Variants in FHIT observed in about 807,000 individuals in gnomAD.
FHIT encodes the protein bis(5'-adenosyl)-triphosphatase.
In FHIT, 19 loss-of-function variants were observed where a neutral mutation model predicts 17.9. The ratio of observed to expected loss-of-function variants is 1.06; its 90% CI spans 0.74 to 1.56. FHIT has a LOEUF of 1.56. Among genes scored for constraint, FHIT ranks in the 40% most tolerant of loss-of-function variants. The pLI is 0.00. For missense variants in FHIT, 248 were observed against 189.2 expected (o/e 1.31, Z -1.82); for synonymous variants, 81 against 69.7 (o/e 1.16, Z -0.81).
intron 3 of FHIT, among the ~76,000 whole-genome samples, chr3:60,970,756 G>A (rs1335868543): frequency 2.0e-5 from 3 of 151,994 alleles, no homozygotes; most frequent in African/African-American, 7.2e-5. Flanking sequence ...ACCTGTTATT[G>A]TTTGTTGCCT....
intron 4 of FHIT, among the ~76,000 whole-genome samples, chr3:60,619,344 A>AT (rs113666226): frequency 7.3e-5 from 11 of 150,476 alleles, no homozygotes; most frequent in Non-Finnish European, 3.0e-5. Context: ...CCAGCAACCT[A>AT]TTTTTTGTGG....
chr3:60,394,045 C>T (rs1256355700), intron 5 of FHIT, among the ~76,000 whole-genome samples: 1 of 152,096 alleles, frequency 6.6e-6, no homozygotes, highest in Non-Finnish European at 1.5e-5. Context: ...AAAGAAGAGT[C>T]TCTCAGGATA....
intron 3 of FHIT, among the ~76,000 whole-genome samples, chr3:60,899,525 A>T (rs1323605779): frequency 6.6e-6 from 1 of 152,218 alleles, no homozygotes; most frequent in Non-Finnish European, 1.5e-5. Context: ...TCCTGCAAAA[A>T]GGCAAGATTC....
At chr3:59,948,301 G>A (rs112465578) in intron 7 of FHIT, among the ~76,000 whole-genome samples, 55 of 147,646 alleles carry the variant, frequency 3.7e-4, no homozygotes, top group African/African-American at 8.3e-4. Flanking sequence ...TCAGGACATC[G>A]AGACCATCCT....
intron 8 of FHIT, among the ~76,000 whole-genome samples, chr3:59,788,399 T>A (rs1699403208): frequency 6.6e-6 from 1 of 152,144 alleles, no homozygotes; most frequent in Admixed American, 6.5e-5. Context: ...TCTCACTCCC[T>A]CTCTGGGCTC....
intron 8 of FHIT, among the ~76,000 whole-genome samples, chr3:59,901,649 T>C (rs1330333376): frequency 6.6e-6 from 1 of 152,160 alleles, no homozygotes; most frequent in Non-Finnish European, 1.5e-5. Flanking sequence ...AGTGAAGGTA[T>C]GAAGAAACTA....
At chr3:60,919,284 T>C (rs1481361186) in intron 3 of FHIT, among the ~76,000 whole-genome samples, 1 of 152,204 alleles carries the variant, frequency 6.6e-6, no homozygotes, top group African/African-American at 2.4e-5. Context: ...GCAAGAAATA[T>C]GGCAATCTTC....
At chr3:60,517,586 T>C (rs1298398369) in intron 5 of FHIT, among the ~76,000 whole-genome samples, 1 of 152,222 alleles carries the variant, frequency 6.6e-6, no homozygotes, top group Non-Finnish European at 1.5e-5. Context: ...TTGCCATATA[T>C]GGCTTATCAT....
intron 5 of FHIT, among the ~76,000 whole-genome samples, chr3:60,179,265 C>G (rs1037387196): frequency 3.3e-5 from 5 of 152,300 alleles, no homozygotes; most frequent in Admixed American, 3.3e-4. Flanking sequence ...GCCACACAGC[C>G]CACTCACGGT....
chr3:60,252,388 T>A (rs979876347), intron 5 of FHIT, among the ~76,000 whole-genome samples: 2 of 151,750 alleles, frequency 1.3e-5, no homozygotes, highest in African/African-American at 4.8e-5. Flanking sequence ...TATAAAAAAA[T>A]TTTAAAAATT....
At chr3:60,613,684 T>C (rs554500578) in intron 4 of FHIT, among the ~76,000 whole-genome samples, 2 of 152,242 alleles carry the variant, frequency 1.3e-5, no homozygotes, top group East Asian at 3.9e-4. Flanking sequence ...CAGTCATTCC[T>C]ACATTTCCCT....
chr3:60,120,366 G>C (rs1031836352), intron 5 of FHIT, among the ~76,000 whole-genome samples: 1 of 152,212 alleles, frequency 6.6e-6, no homozygotes, highest in African/African-American at 2.4e-5. Context: ...CAGGGTTAAA[G>C]ATATTATAAA....
chr3:60,717,152 GA>G (rs2041703271), intron 4 of FHIT, among the ~76,000 whole-genome samples: 1 of 151,958 alleles, frequency 6.6e-6, no homozygotes, highest in South Asian at 2.1e-4. Context: ...TGTGGGAGAG[GA>G]AAAAAATGGG....
At chr3:61,204,253 G>C (rs570494714) in intron 1 of FHIT, among the ~76,000 whole-genome samples, 1 of 152,310 alleles carries the variant, frequency 6.6e-6, no homozygotes, top group African/African-American at 2.4e-5. Flanking sequence ...AGTGGGAGAG[G>C]AGATGGAATA....
chr3:59,767,504 G>T (rs1185012705), intron 8 of FHIT, among the ~76,000 whole-genome samples: 1 of 152,078 alleles, frequency 6.6e-6, no homozygotes, highest in African/African-American at 2.4e-5. Flanking sequence ...GTCTCAAAAA[G>T]AAAAATGGAG....
At chr3:60,793,287 A>T (rs978713533) in intron 4 of FHIT, among the ~76,000 whole-genome samples, 3 of 147,530 alleles carry the variant, frequency 2.0e-5, no homozygotes, top group Non-Finnish European at 4.5e-5. Flanking sequence ...GACCATGAAC[A>T]AGTGATTTCT....
intron 5 of FHIT, among the ~76,000 whole-genome samples, chr3:60,030,755 G>C (rs546131986): frequency 3.3e-5 from 5 of 152,294 alleles, no homozygotes; most frequent in African/African-American, 9.6e-5. Context: ...ACGGATGGTA[G>C]ATGACTGGGT....
chr3:59,813,234 G>T (rs1051069367), intron 8 of FHIT, among the ~76,000 whole-genome samples: 24 of 152,032 alleles, frequency 1.6e-4, no homozygotes, highest in African/African-American at 5.8e-4. Context: ...CATCTAATTT[G>T]TTGCCTGTTT....
intron 2 of FHIT, among the ~76,000 whole-genome samples, chr3:61,112,063 A>G (rs1248483718): frequency 6.6e-6 from 1 of 152,202 alleles, no homozygotes; most frequent in Non-Finnish European, 1.5e-5. Context: ...AGAGCAGTTA[A>G]GTAACTTGCT....
Sources: gnomAD v4.1 joint callset for allele counts (sites outside exome capture counted in the v4.1 genomes callset) on GRCh38, gnomAD v4.1.1 for gene constraint, MANE v1.5 for transcripts, NCBI Gene and HGNC (gene_info 2026-07-23, HGNC 2026-07-21) for gene names.